KCNMB2: variants seen among roughly 807,000 people sequenced by gnomAD.
KCNMB2 encodes the protein calcium-activated potassium channel subunit beta-2.
Under a neutral mutation model 24.5 loss-of-function variants are expected in KCNMB2, and 9 were observed. The observed-to-expected ratio is 0.37, with a 90% CI of 0.22 to 0.64. KCNMB2 has a LOEUF of 0.64. Among genes scored for constraint, KCNMB2 ranks in the 30% least tolerant of loss-of-function variants. The pLI, the probability that KCNMB2 is intolerant of heterozygous loss-of-function variation, is 0.63. For missense variants in KCNMB2, 226 were observed against 284.3 expected (o/e 0.79, Z 1.47); for synonymous variants, 109 against 104.4 (o/e 1.04, Z -0.27).
intron 1 of KCNMB2, among the ~76,000 whole-genome samples, chr3:178,646,513 G>C (rs947367396): frequency 6.6e-6 from 1 of 152,186 alleles, no homozygotes; most frequent in Non-Finnish European, 1.5e-5. Context: ...AGATAAAAGG[G>C]AAACAGCTGT....
In KCNMB2 at chr3:178,832,917, G is replaced by A. The variant is rs752127778; in HGVS notation, c.423+4544G>A. 6.2e-5 allele frequency among the ~76,000 whole-genome samples: 5 copies of A among 80,052 alleles called. 2 individuals are homozygous for A. Among genetic ancestry groups the A allele is most frequent in the Non-Finnish European group, 1.2e-4 (5 of 43,192 alleles). The allele number at this position is 80,052 out of a possible 152,430, so 52.5% of individuals were successfully genotyped here. A position where few individuals can be genotyped will look rare whatever the true frequency, so the allele number is the denominator to read the frequency against. ...GCCCATATATACCTGTTCTGTTTTT[G>A]TTTTCTCTTGTTTGCTTTCATGTTG... On this transcript the variant is annotated intron_variant, in intron 4 of 4. Transcript: ENST00000452583.
At chr3:178,646,273 G>A (rs1719919751) in intron 1 of KCNMB2, among the ~76,000 whole-genome samples, 1 of 152,112 alleles carries the variant, frequency 6.6e-6, no homozygotes, top group African/African-American at 2.4e-5. Context: ...GCTGGGCAGT[G>A]GACTCTTAAG....
rs73047893 is a variant in KCNMB2 at position 178,705,685 on chromosome 3, G to T, written c.-67-101658G>T. Among the ~76,000 whole-genome samples, 261 of 152,202 alleles carry T rather than the reference G, an allele frequency of 1.7e-3. 1 individual carries two copies. The highest frequency in any genetic ancestry group is 6.0e-3 in the African/African-American group (249 of 41,538). ...GAATGCTTTTTATAGTTGTCTGTAA[G>T]AGCCTTTTCTTTGCCAACAAAACCT... is the stretch of plus-strand genomic sequence containing the variant. On this transcript the variant is annotated intron_variant, in intron 1 of 4. Coordinates refer to ENST00000452583, the MANE Select transcript of KCNMB2 (RefSeq NM_181361.3).
chr3:178,618,519 C>G (rs1718796492), intron 1 of KCNMB2, among the ~76,000 whole-genome samples: 1 of 152,186 alleles, frequency 6.6e-6, no homozygotes, highest in Non-Finnish European at 1.5e-5. Flanking sequence ...ATAGGGAGTT[C>G]TGACACTTTC....
intron 4 of KCNMB2, among the ~76,000 whole-genome samples, chr3:178,833,880 C>A (rs956651142): frequency 6.6e-6 from 1 of 152,162 alleles, no homozygotes; most frequent in Non-Finnish European, 1.5e-5. Context: ...GACTAATGGG[C>A]TCTGGGAGCT....
intron 1 of KCNMB2, among the ~76,000 whole-genome samples, chr3:178,689,394 G>C (rs976226515): frequency 2.0e-5 from 3 of 152,144 alleles, no homozygotes; most frequent in African/African-American, 7.2e-5. Flanking sequence ...CCAGCACTTT[G>C]GGAGGCTGAG....
chr3:178,537,067 G>A (rs1333577916), intron 1 of KCNMB2, among the ~76,000 whole-genome samples: 2 of 152,100 alleles, frequency 1.3e-5, no homozygotes, highest in African/African-American at 4.8e-5. Flanking sequence ...TTTGGTGGGT[G>A]GAAGGCATAA....
At chr3:178,606,357 C>T (rs1482831105) in intron 1 of KCNMB2, among the ~76,000 whole-genome samples, 1 of 152,106 alleles carries the variant, frequency 6.6e-6, no homozygotes, top group Non-Finnish European at 1.5e-5. Context: ...ACTAGTGGAC[C>T]TAGAGGGCAG....
intron 1 of KCNMB2, among the ~76,000 whole-genome samples, chr3:178,572,894 G>A (rs1255792732): frequency 6.6e-6 from 1 of 152,100 alleles, no homozygotes; most frequent in Admixed American, 6.5e-5. Context: ...GTTTACTAAT[G>A]TTATAACTGG....
chr3:178,538,264 T>A (rs1715474301), intron 1 of KCNMB2, among the ~76,000 whole-genome samples: 1 of 152,216 alleles, frequency 6.6e-6, no homozygotes, highest in African/African-American at 2.4e-5. Context: ...ACGAAATGAC[T>A]GTATGGAATT....
At chr3:178,793,101 T>G (rs754049656) in intron 1 of KCNMB2, among the ~76,000 whole-genome samples, 1 of 152,200 alleles carries the variant, frequency 6.6e-6, no homozygotes, top group Non-Finnish European at 1.5e-5. Flanking sequence ...CCTTGGAGCC[T>G]AAATATACAC....
intron 1 of KCNMB2, among the ~76,000 whole-genome samples, chr3:178,659,392 A>T (rs1415318590): frequency 1.3e-5 from 2 of 152,202 alleles, no homozygotes; most frequent in Non-Finnish European, 2.9e-5. Flanking sequence ...AGCCTTCAAC[A>T]AGTTCTTTAA....
intron 4 of KCNMB2, chr3:178,841,494 T>C (rs1364295051): frequency 1.3e-5 from 2 of 152,170 alleles, no homozygotes; most frequent in Admixed American, 6.5e-5. Flanking sequence ...GTTATAAAGA[T>C]ACTACCTGAG....
At chr3:178,688,528 G>T (rs1242228455) in intron 1 of KCNMB2, among the ~76,000 whole-genome samples, 1 of 152,104 alleles carries the variant, frequency 6.6e-6, no homozygotes, top group East Asian at 1.9e-4. Context: ...TTAAGCTGAA[G>T]ACTCCATAAC....
intron 1 of KCNMB2, among the ~76,000 whole-genome samples, chr3:178,712,238 G>A (rs1282333816): frequency 1.3e-5 from 2 of 152,154 alleles, no homozygotes; most frequent in African/African-American, 4.8e-5. Flanking sequence ...CCACCTACGT[G>A]CCATAATCGG....
chr3:178,759,653 C>A lies in KCNMB2; in HGVS notation c.-67-47690C>A, dbSNP rs535992212. The stretch of plus-strand genomic sequence containing the variant: ...TCCAAGAGGATATATATATATATAT[C>A]TCCAAGAGGGATATATATATATATA... On this transcript the variant is annotated intron_variant, in intron 1 of 4. Coordinates refer to ENST00000452583, the MANE Select transcript of KCNMB2 (RefSeq NM_181361.3). Among the ~76,000 whole-genome samples, 109 of 100,030 alleles carry A rather than the reference C, an allele frequency of 1.1e-3. 5 individuals carry two copies. Among genetic ancestry groups the A allele is most frequent in the African/African-American group, 1.7e-3 (42 of 25,208 alleles). 65.6% of individuals were successfully genotyped at this position (100,030 alleles called of 152,430 possible).
At chr3:178,729,855 T>C (rs1723086764) in intron 1 of KCNMB2, among the ~76,000 whole-genome samples, 1 of 152,232 alleles carries the variant, frequency 6.6e-6, no homozygotes, top group South Asian at 2.1e-4. Flanking sequence ...TAGATTATGC[T>C]GCAGTTATAA....
intron 2 of KCNMB2, among the ~76,000 whole-genome samples, chr3:178,818,954 G>A (rs145489282): frequency 6.6e-5 from 10 of 151,878 alleles, no homozygotes; most frequent in African/African-American, 9.7e-5. Context: ...TCATTTGCTC[G>A]TCCAAGACTT....
At chr3:178,661,672 G>A (rs1279778757) in intron 1 of KCNMB2, among the ~76,000 whole-genome samples, 1 of 152,150 alleles carries the variant, frequency 6.6e-6, no homozygotes, top group Non-Finnish European at 1.5e-5. Flanking sequence ...CTCAAAGTGT[G>A]GTCCATGCAC....
Sources: gnomAD v4.1 joint callset for allele counts (sites outside exome capture counted in the v4.1 genomes callset) on GRCh38, gnomAD v4.1.1 for gene constraint, MANE v1.5 for transcripts, NCBI Gene and HGNC (gene_info 2026-07-23, HGNC 2026-07-21) for gene names.